EPHB1: variants seen among roughly 807,000 people sequenced by gnomAD.
EPHB1 encodes the protein EPH receptor B1, also known as ephrin type-B receptor 1.
In EPHB1, 30 loss-of-function variants were observed where a neutral mutation model predicts 94.4. The ratio of observed to expected loss-of-function variants is 0.32; its 90% CI spans 0.24 to 0.43. EPHB1 has a LOEUF of 0.43. Ranked by LOEUF, EPHB1 falls within the 20% of genes least tolerant of loss-of-function variation. The probability of loss-of-function intolerance (pLI) is 1.00; values close to 1 mark genes in which losing one functional copy is unlikely to be tolerated. For synonymous variants in EPHB1, 522 were observed against 489.1 expected, an observed-to-expected ratio of 1.07 and a Z score of -0.89; for missense variants, 1,055 against 1,308.3, an observed-to-expected ratio of 0.81 and a Z score of 2.99.
chr3:135,238,115 G>A (rs1943698515), intron 12 of EPHB1, among the ~76,000 whole-genome samples: 1 of 152,140 alleles, frequency 6.6e-6, no homozygotes, highest in South Asian at 2.1e-4. Flanking sequence ...GATTACCTCT[G>A]AGCACCAGAA....
At chr3:135,232,406 G>A (rs1943554838) in intron 12 of EPHB1, among the ~76,000 whole-genome samples, 1 of 152,190 alleles carries the variant, frequency 6.6e-6, no homozygotes, top group Admixed American at 6.5e-5. Context: ...TGTCTACAAT[G>A]GATTGCACAG....
chr3:135,259,231 T>C lies in EPHB1; in HGVS notation c.*111T>C, dbSNP rs1933547215. 5.1e-6 allele frequency: 4 copies of C among 791,292 alleles called. No individual in the cohort carries two copies. Among genetic ancestry groups the C allele is most frequent in the Non-Finnish European group, 6.1e-6 (3 of 494,806 alleles). 49.0% of individuals were successfully genotyped at this position (791,292 alleles called of 1,614,324 possible). On this transcript the variant is annotated 3_prime_UTR_variant, in exon 16 of 16. Transcript: ENST00000398015. ...AGAGACTGGCTTCTCAGCTGAGGAATGCATTTCCATCAGTGAAGAATCAAC... is the reference window on the plus strand; with the variant it reads ...AGAGACTGGCTTCTCAGCTGAGGAACGCATTTCCATCAGTGAAGAATCAAC...
intron 1 of EPHB1, among the ~76,000 whole-genome samples, chr3:134,827,865 C>G (rs1175174643): frequency 6.6e-6 from 1 of 152,176 alleles, no homozygotes; most frequent in East Asian, 1.9e-4. Flanking sequence ...GCCTTTCATT[C>G]ACATCCCTTG....
At chr3:134,965,788 G>A (rs1933717919) in intron 3 of EPHB1, among the ~76,000 whole-genome samples, 1 of 152,018 alleles carries the variant, frequency 6.6e-6, no homozygotes, top group African/African-American at 2.4e-5. Flanking sequence ...TGCAGCCCTG[G>A]AGGCTACCGA....
intron 1 of EPHB1, among the ~76,000 whole-genome samples, chr3:134,882,792 TTC>T (rs1247552065): frequency 4.1e-5 from 3 of 72,618 alleles, no homozygotes; most frequent in Non-Finnish European, 3.2e-5. Context: ...CTTTCTTTCT[TTC>T]TTTCTTTCTT....
intron 3 of EPHB1, among the ~76,000 whole-genome samples, chr3:135,054,036 T>C (rs1279795454): frequency 5.7e-5 from 6 of 105,738 alleles, no homozygotes; most frequent in East Asian, 4.7e-4. Flanking sequence ...TATATATATA[T>C]ATATACACAC....
At chr3:135,027,023 G>A (rs1451370102) in intron 3 of EPHB1, among the ~76,000 whole-genome samples, 13 of 124,988 alleles carry the variant, frequency 1.0e-4, no homozygotes, top group South Asian at 2.9e-4. Flanking sequence ...TTTGTCTGTT[G>A]TTGGTGTATA....
intron 4 of EPHB1, among the ~76,000 whole-genome samples, chr3:135,123,911 C>G (rs1940086644): frequency 6.6e-6 from 1 of 151,528 alleles, no homozygotes; most frequent in Non-Finnish European, 1.5e-5. Flanking sequence ...CTTCTTCCAC[C>G]TTTATCCTCT....
chr3:135,091,044 A>C (rs777311892), intron 3 of EPHB1, among the ~76,000 whole-genome samples: 1 of 152,260 alleles, frequency 6.6e-6, no homozygotes, highest in Non-Finnish European at 1.5e-5. Context: ...CATATGCAGC[A>C]CTTGACCTTC....
intron 1 of EPHB1, among the ~76,000 whole-genome samples, chr3:134,867,963 A>G (rs2037415139): frequency 6.6e-6 from 1 of 152,226 alleles, no homozygotes; most frequent in African/African-American, 2.4e-5. Flanking sequence ...TACTCTGAGG[A>G]CAGTAAGTAA....
chr3:135,081,166 A>T (rs1308177123), intron 3 of EPHB1, among the ~76,000 whole-genome samples: 3 of 152,188 alleles, frequency 2.0e-5, no homozygotes, highest in Non-Finnish European at 2.9e-5. Flanking sequence ...CTCTATCATC[A>T]CCAGAGCATG....
At chr3:135,209,314 C>A (rs58085684) in intron 12 of EPHB1, among the ~76,000 whole-genome samples, 3,502 of 152,160 alleles carry the variant, frequency 0.023, 65 homozygotes, top group South Asian at 0.04. Flanking sequence ...AAGTTTCTCC[C>A]CCCAAAATAT....
chr3:135,096,334 T>C (rs921148673), intron 3 of EPHB1, among the ~76,000 whole-genome samples: 1 of 152,196 alleles, frequency 6.6e-6, no homozygotes, highest in African/African-American at 2.4e-5. Flanking sequence ...TTTTTCAGAC[T>C]CCATGTTTGC....
chr3:135,085,447 C>G (rs1242231240), intron 3 of EPHB1, among the ~76,000 whole-genome samples: 1 of 152,208 alleles, frequency 6.6e-6, no homozygotes, highest in Non-Finnish European at 1.5e-5. Flanking sequence ...GGGCTGAAGC[C>G]TTTAATGAGT....
chr3:134,848,371 T>C (rs1660171989), intron 1 of EPHB1, among the ~76,000 whole-genome samples: 1 of 152,252 alleles, frequency 6.6e-6, no homozygotes, highest in Admixed American at 6.5e-5. Context: ...TTACTTTTAA[T>C]ATGTTTATAG....
chr3:135,033,024 CAA>C (rs773532795), intron 3 of EPHB1, among the ~76,000 whole-genome samples: 13 of 152,082 alleles, frequency 8.5e-5, no homozygotes, highest in Non-Finnish European at 1.6e-4. Context: ...CAAAAAGCAG[CAA>C]AGAGAAACAT....
chr3:135,170,820 G>A (rs1941784492), intron 9 of EPHB1, among the ~76,000 whole-genome samples: 1 of 152,346 alleles, frequency 6.6e-6, no homozygotes. Context: ...GGAATGTGTA[G>A]GGGTAGGGAG....
At chr3:135,068,177 G>C (rs141702879) in intron 3 of EPHB1, among the ~76,000 whole-genome samples, 1 of 152,026 alleles carries the variant, frequency 6.6e-6, no homozygotes, top group Non-Finnish European at 1.5e-5. Context: ...GCCTCCATCC[G>C]CTGCTCTGTC....
At chr3:135,018,683 C>T (rs532302548) in intron 3 of EPHB1, among the ~76,000 whole-genome samples, 1 of 152,158 alleles carries the variant, frequency 6.6e-6, no homozygotes, top group Admixed American at 6.5e-5. Flanking sequence ...CACAATCCAC[C>T]CACCTTTTCC....
Sources: allele counts gnomAD v4.1 joint callset (sites outside exome capture counted in the v4.1 genomes callset), GRCh38; gene constraint gnomAD v4.1.1; transcripts MANE v1.5; gene names NCBI Gene and HGNC (gene_info 2026-07-23, HGNC 2026-07-21).